HS6ST2: variants seen among roughly 807,000 people sequenced by gnomAD.
HS6ST2 encodes the protein heparan-sulfate 6-O-sulfotransferase 2.
A neutral mutation model predicts 33.0 loss-of-function variants in HS6ST2; 17 were observed. The observed-to-expected ratio is 0.52, with a 90% CI of 0.35 to 0.77. The LOEUF is 0.77. Among genes scored for constraint, HS6ST2 ranks in the 30% least tolerant of loss-of-function variants. HS6ST2 has a pLI of 0.01. For missense variants in HS6ST2, 519 were observed against 551.7 expected (o/e 0.94, Z 0.59); for synonymous variants, 248 against 237.1 (o/e 1.05, Z -0.42).
intron 2 of HS6ST2, among the ~76,000 whole-genome samples, chrX:132,863,357 T>C (rs2065931472): frequency 8.9e-6 from 1 of 111,783 alleles, no homozygotes; most frequent in East Asian, 2.8e-4. Flanking sequence ...TCTCACGCTG[T>C]TGCCCAGGCT....
chrX:132,725,747 T>A (rs1313229586), intron 2 of HS6ST2, among the ~76,000 whole-genome samples: 1 of 111,842 alleles, frequency 8.9e-6, no homozygotes, highest in African/African-American at 3.3e-5. Flanking sequence ...ATAGCTAAAA[T>A]CTGGAAGCAA....
At chrX:132,951,329 C>G (rs766824768) in intron 2 of HS6ST2, among the ~76,000 whole-genome samples, 1 of 111,246 alleles carries the variant, frequency 9.0e-6, no homozygotes, top group Admixed American at 9.6e-5. Context: ...TTACTCCAAG[C>G]ATGAACCTTT....
intron 2 of HS6ST2, among the ~76,000 whole-genome samples, chrX:132,718,592 T>C (rs1179753086): frequency 9.0e-6 from 1 of 111,150 alleles, no homozygotes; most frequent in African/African-American, 3.3e-5. Flanking sequence ...TCCTACTTAC[T>C]GTACAAGGCT....
chrX:132,890,557 G>C (rs2066299347), intron 2 of HS6ST2, among the ~76,000 whole-genome samples: 1 of 109,489 alleles, frequency 9.1e-6, no homozygotes, highest in South Asian at 4.2e-4. Context: ...AGAATGGTTT[G>C]GTGTGCTCAG....
chrX:132,756,742 C>T (rs749256302), intron 2 of HS6ST2, among the ~76,000 whole-genome samples: 1 of 110,259 alleles, frequency 9.1e-6, no homozygotes, highest in Non-Finnish European at 1.9e-5. Flanking sequence ...TTGCTTTCTC[C>T]TACTCTCTTT....
chrX:132,883,496 C>A (rs747631712), intron 2 of HS6ST2, among the ~76,000 whole-genome samples: 2 of 110,727 alleles, frequency 1.8e-5, no homozygotes, highest in African/African-American at 6.6e-5. Flanking sequence ...TTTTTTATTG[C>A]GTTAACCAAC....
At chrX:132,701,448 A>G (rs2064143605) in intron 3 of HS6ST2, among the ~76,000 whole-genome samples, 1 of 112,357 alleles carries the variant, frequency 8.9e-6, no homozygotes, top group Admixed American at 9.4e-5. Flanking sequence ...CCCAAAATCT[A>G]GTCATGGAGT....
At chrX:132,724,167 GA>G (rs749012471) in intron 2 of HS6ST2, among the ~76,000 whole-genome samples, 2 of 97,598 alleles carry the variant, frequency 2.0e-5, no homozygotes, top group African/African-American at 7.1e-5. Context: ...GAAAAGAAAA[GA>G]AAAGAAAGAA....
intron 2 of HS6ST2, among the ~76,000 whole-genome samples, chrX:132,921,898 G>A (rs1313325877): frequency 8.9e-6 from 1 of 111,894 alleles, no homozygotes; most frequent in East Asian, 2.8e-4. Flanking sequence ...GCTTAATCGG[G>A]ACCCCTGGGC....
At chrX:132,866,367 T>C (rs1307277665) in intron 2 of HS6ST2, among the ~76,000 whole-genome samples, 1 of 100,794 alleles carries the variant, frequency 9.9e-6, no homozygotes, top group African/African-American at 3.7e-5. Context: ...TACCATGCTG[T>C]TTTGGTTACT....
chrX:132,739,612 G>C (rs1316308606), intron 2 of HS6ST2, among the ~76,000 whole-genome samples: 1 of 108,441 alleles, frequency 9.2e-6, no homozygotes, highest in African/African-American at 3.4e-5. Flanking sequence ...CTACTCCTGA[G>C]GCTGAGGCAC....
intron 2 of HS6ST2, among the ~76,000 whole-genome samples, chrX:132,804,971 A>G (rs746151417): frequency 2.0e-4 from 22 of 111,506 alleles, no homozygotes; most frequent in Non-Finnish European, 3.6e-4. Flanking sequence ...CAGTGTACAA[A>G]GAGGAAATTC....
chrX:132,669,169 G>GTTA lies in HS6ST2; in HGVS notation c.1008_1010dup (p.Asn337dup). On this transcript the variant is annotated inframe_insertion, in exon 4 of 5. Transcript: ENST00000370833. ...TGGATGACGGAGAGTTGGCGCCTGC[G>GTTA]TTAGTGTTTGGAGAACCCCGTTTAT... 2 of 1,209,066 alleles carry GTTA rather than the reference G, an allele frequency of 1.7e-6. No homozygotes were observed. Among genetic ancestry groups the GTTA allele is most frequent in the South Asian group, 1.8e-5 (1 of 56,605 alleles).
chrX:132,871,419 C>G (rs2066055609), intron 2 of HS6ST2, among the ~76,000 whole-genome samples: 1 of 111,993 alleles, frequency 8.9e-6, no homozygotes, highest in Non-Finnish European at 1.9e-5. Context: ...ACCCAGCAAT[C>G]CCATTACTGG....
intron 2 of HS6ST2, among the ~76,000 whole-genome samples, chrX:132,784,707 GCTAAACAAGAGCCC>G (rs1392115438): frequency 8.9e-6 from 1 of 111,762 alleles, no homozygotes; most frequent in African/African-American, 3.3e-5. Flanking sequence ...ATGGTTGTGA[GCTAAACAAGAGCCC>G]CCTCTTCTGC....
Position 132,912,410 on chromosome X carries a change from A to C in HS6ST2, c.947+44398T>G, listed in dbSNP as rs997892990. Among the ~76,000 whole-genome samples, 3 of 112,394 alleles carry C rather than the reference A, an allele frequency of 2.7e-5. No homozygotes were observed. The Admixed American group carries it at 2.8e-4, about 11-fold the overall frequency. ...CTTGGGCTATCCCCTCCCTCTCCCAAATACCATTCAATTCAACTCAATACA... is the reference window on the plus strand; with the variant it reads ...CTTGGGCTATCCCCTCCCTCTCCCACATACCATTCAATTCAACTCAATACA... On this transcript the variant is annotated intron_variant, in intron 2 of 4. Transcript: ENST00000370833.
rs188582855 is a variant in HS6ST2, at chrX:132,896,652, C to T, written c.947+60156G>A. Among the ~76,000 whole-genome samples the T allele has an allele frequency of 1.4e-3, 160 of 111,338 alleles. 1 individual carries two copies. Among genetic ancestry groups the T allele is most frequent in the African/African-American group, 4.6e-3 (140 of 30,657 alleles). ...CCCATTTTACATGATGTGATTATTA[C>T]GTATTACATGCCTGTATTAAAATAT... On this transcript the variant is annotated intron_variant, in intron 2 of 4. Transcript: ENST00000370833.
chrX:132,645,382 C>T (rs2063632311), intron 4 of HS6ST2, among the ~76,000 whole-genome samples: 1 of 112,589 alleles, frequency 8.9e-6, no homozygotes. Context: ...ATACCTATTC[C>T]TTTCTGCTCA....
At chrX:132,904,009 C>T (rs1356262802) in intron 2 of HS6ST2, among the ~76,000 whole-genome samples, 1 of 111,860 alleles carries the variant, frequency 8.9e-6, no homozygotes, top group African/African-American at 3.2e-5. Context: ...CCTCAGGTCC[C>T]TCTAGTCATC....
Sources: allele counts gnomAD v4.1 joint callset (sites outside exome capture counted in the v4.1 genomes callset), GRCh38; gene constraint gnomAD v4.1.1; transcripts MANE v1.5; gene names NCBI Gene and HGNC (gene_info 2026-07-23, HGNC 2026-07-21).